Variants in EVC2 observed in about 807,000 individuals in gnomAD.
EVC2 encodes EvC ciliary complex subunit 2.
EVC2 carries 148 observed loss-of-function variants against 149.3 expected under a neutral mutation model. The observed-to-expected ratio is 0.99, with a 90% CI of 0.87 to 1.14. The LOEUF is 1.14. Ranked by LOEUF, EVC2 falls within the 50% of genes most tolerant of loss-of-function variation. The pLI, the probability that EVC2 is intolerant of heterozygous loss-of-function variation, is 0.00. For missense variants in EVC2, 1,854 were observed against 1,627.3 expected, an observed-to-expected ratio of 1.14 and a Z score of -2.40; for synonymous variants, 776 against 649.9, an observed-to-expected ratio of 1.19 and a Z score of -2.95.
chr4:5,648,595 C>T (rs141020918), intron 9 of EVC2, among the ~76,000 whole-genome samples: 12 of 152,300 alleles, frequency 7.9e-5, no homozygotes, highest in African/African-American at 2.6e-4. Context: ...ACAGAAGGCA[C>T]ACAGCACAGT....
chr4:5,706,305 C>CATAGATAGATACATAGATAGATAG (rs1722128195), intron 1 of EVC2, among the ~76,000 whole-genome samples: 2 of 53,092 alleles, frequency 3.8e-5, no homozygotes, highest in African/African-American at 1.7e-4. Flanking sequence ...TAGATAGATA[C>CATAGATAGATACATAGATAGATAG]ATAGATAGAT....
At position 5,697,766 on chromosome 4, in the gene EVC2, G is replaced by T. The variant is rs1721575514; in HGVS notation, c.229-119C>A. Reference sequence around the variant, plus strand: ...ATGCACTTTTTTTTTTTTTTTCTGAGACAGAGTCTTGCTCTGTCACCCAGG... The same window carrying T: ...ATGCACTTTTTTTTTTTTTTTCTGATACAGAGTCTTGCTCTGTCACCCAGG... On this transcript the variant is annotated intron_variant, in intron 1 of 21. Transcript: ENST00000344408. 5 of 843,678 alleles carry T rather than the reference G, an allele frequency of 5.9e-6. No homozygotes were observed. The Admixed American group carries it at 6.3e-5, about 11-fold the overall frequency. The allele number at this position is 843,678 out of a possible 1,614,324, so 52.3% of individuals were successfully genotyped here.
rs1481924261 is a variant in EVC2, at chr4:5,562,493, A to G, written c.*355T>C. ...TTCCCTTTATAAAAATAGAATATGTAACAAATACAAAACATAAGAGTAGAG... is the reference window on the plus strand; with the variant it reads ...TTCCCTTTATAAAAATAGAATATGTGACAAATACAAAACATAAGAGTAGAG... On this transcript the variant is annotated 3_prime_UTR_variant, in exon 22 of 22. Transcript: ENST00000344408. This position sits in a 1 kb window ranked among gnomAD's most constrained non-coding sequence, Gnocchi z 4.3. 9.0e-7 allele frequency: 1 copy of G among 1,107,662 alleles called. No homozygotes were observed. Among genetic ancestry groups the G allele is most frequent in the Non-Finnish European group, 1.1e-6 (1 of 905,100 alleles). 68.6% of individuals were successfully genotyped at this position (1,107,662 alleles called of 1,614,324 possible). A position where few individuals can be genotyped will look rare whatever the true frequency, so the allele number is the denominator to read the frequency against.
Position 5,568,443 on chromosome 4 carries a change from C to T in EVC2, c.3557+1G>A, listed in dbSNP as rs1722439740. ...GGAGGCAGCCCCTCCACGGCACTCA[C>T]CTCCGCCTGCCCACGTCGGCCTGCT... On this transcript the variant is annotated splice_donor_variant, in intron 20 of 21. Coordinates refer to ENST00000344408, the MANE Select transcript of EVC2 (RefSeq NM_147127.5). LOFTEE classifies it high-confidence loss of function. The T allele has an allele frequency of 1.9e-6, 3 of 1,551,912 alleles. No homozygotes were observed. In the South Asian group the frequency reaches 3.5e-5, roughly 18 times the overall value.
At chr4:5,663,440 A>G (rs892067841) in intron 8 of EVC2, among the ~76,000 whole-genome samples, 194 bp from the exon 9 acceptor site, 2 of 152,244 alleles carry the variant, frequency 1.3e-5, no homozygotes, top group Non-Finnish European at 2.9e-5. Flanking sequence ...AAATGGGATC[A>G]TAATTCTACT....
chr4:5,681,644 G>A (rs1242875090), intron 6 of EVC2, among the ~76,000 whole-genome samples: 8 of 152,312 alleles, frequency 5.3e-5, no homozygotes, highest in South Asian at 4.1e-4. Context: ...CTCTCCCAGC[G>A]TCTGCCTCCT....
In EVC2 at chr4:5,708,425, C is replaced by G; in HGVS notation, c.89G>C (p.Cys30Ser). Residue 30 changes from cysteine (C) to serine (S), a missense_variant, in exon 1 of 22, where the codon TGT (cysteine) becomes TCT (serine). By Grantham distance (112) the Cys-to-Ser change is moderately radical. Coordinates refer to ENST00000344408, the MANE Select transcript of EVC2 (RefSeq NM_147127.5). The part of the protein sequence containing the change: ...AVALALGGRG[C>S]LGASSRPRWR... ...GCGGGGACGTGAGCTGGCGCCGAGA[C>G]AGCCTCGGCCCCCCAGCGCCAGGGC... 6.6e-7 allele frequency: 1 copy of G among 1,503,824 alleles called. No homozygotes were observed. Among genetic ancestry groups the G allele is most frequent in the East Asian group, 2.7e-5 (1 of 36,762 alleles). The allele number at this position is 1,503,824 out of a possible 1,614,324, so 93.2% of individuals were successfully genotyped here.
intron 1 of EVC2, among the ~76,000 whole-genome samples, chr4:5,699,016 C>T (rs1158557441): frequency 6.6e-6 from 1 of 152,206 alleles, no homozygotes; most frequent in Admixed American, 6.5e-5. Flanking sequence ...AGCCCCAGTC[C>T]TTACAGGCCT....
chr4:5,679,081 T>A lies in EVC2; in HGVS notation c.870+2179A>T, dbSNP rs77054949. 1.3e-5 allele frequency among the ~76,000 whole-genome samples: 2 copies of A among 148,698 alleles called. No homozygotes were observed. The highest frequency in any genetic ancestry group is 2.5e-5 in the African/African-American group (1 of 40,286). On this transcript the variant is annotated intron_variant, in intron 7 of 21. Coordinates refer to ENST00000344408, the MANE Select transcript of EVC2 (RefSeq NM_147127.5). This position sits in a 1 kb window ranked among gnomAD's most constrained non-coding sequence, Gnocchi z 5.1. ...TATGTACAAAAGACAAAAAAAAAAATACACTCGTATAGGAAATGTATCATA... is the reference window on the plus strand; with the variant it reads ...TATGTACAAAAGACAAAAAAAAAAAAACACTCGTATAGGAAATGTATCATA...
chr4:5,664,043 T>A (rs1328754507), intron 8 of EVC2, among the ~76,000 whole-genome samples: 1 of 152,254 alleles, frequency 6.6e-6, no homozygotes, highest in Non-Finnish European at 1.5e-5. Context: ...TCATTAACTC[T>A]GCAAAAATGC....
intron 17 of EVC2, among the ~76,000 whole-genome samples, chr4:5,582,923 C>T (rs1242347334): frequency 6.6e-6 from 1 of 152,176 alleles, no homozygotes; most frequent in Non-Finnish European, 1.5e-5. Context: ...TCCCCTTCAC[C>T]TTCTACCATG....
chr4:5,594,664 TCTC>T (rs1337885684), intron 16 of EVC2, among the ~76,000 whole-genome samples: 1 of 151,966 alleles, frequency 6.6e-6, no homozygotes, highest in African/African-American at 2.4e-5. Context: ...GCAGAGCGCC[TCTC>T]CTCCTCCAAA....
intron 9 of EVC2, among the ~76,000 whole-genome samples, chr4:5,661,136 C>A (rs1304470090): frequency 1.3e-5 from 2 of 152,178 alleles, no homozygotes; most frequent in Admixed American, 6.5e-5. Context: ...GAAAGCCACA[C>A]ATCTTTAATC....
At chr4:5,550,562 CAG>C (rs1313948992) in intron 21 of EVC2, among the ~76,000 whole-genome samples, 8 of 152,140 alleles carry the variant, frequency 5.3e-5, no homozygotes, top group Non-Finnish European at 1.5e-5. Flanking sequence ...AAAGGGGAAA[CAG>C]AGCATAAAAG....
At chr4:5,632,977 T>C (rs1481877843) in intron 10 of EVC2, among the ~76,000 whole-genome samples, 2 of 152,216 alleles carry the variant, frequency 1.3e-5, no homozygotes, top group African/African-American at 4.8e-5. Context: ...TTACATCATA[T>C]GGCAAAGCTG....
chr4:5,691,472 A>G, intron 3 of EVC2, 139 bp from the exon 4 acceptor site: 1 of 699,624 alleles, frequency 1.4e-6, no homozygotes. Flanking sequence ...TTGAAGTCTT[A>G]TTTTTTAAAA....
intron 7 of EVC2, among the ~76,000 whole-genome samples, chr4:5,680,552 G>C (rs568853884): frequency 1.3e-5 from 2 of 152,274 alleles, no homozygotes; most frequent in Non-Finnish European, 1.5e-5. Context: ...AGTCACCCTA[G>C]AGAATCACCG....
chr4:5,530,786 CT>C, the EVC2 span, among the ~76,000 whole-genome samples: 12 of 152,142 alleles, frequency 7.9e-5, no homozygotes. Flanking sequence ...GTATTTTAAG[CT>C]TTTGTAGGTC....
chr4:5,673,701 G>T (rs1353907175), intron 7 of EVC2, among the ~76,000 whole-genome samples: 2 of 152,188 alleles, frequency 1.3e-5, no homozygotes, highest in Admixed American at 6.5e-5. Flanking sequence ...AGCGATGCTG[G>T]ATAAACAGGC....
Sources: allele counts gnomAD v4.1 joint callset (sites outside exome capture counted in the v4.1 genomes callset), GRCh38; gene constraint gnomAD v4.1.1; non-coding constraint Gnocchi (gnomAD v3.1); transcripts MANE v1.5; gene names NCBI Gene and HGNC (gene_info 2026-07-23, HGNC 2026-07-21).